FSHR: variants seen among roughly 807,000 people sequenced by gnomAD.
FSHR encodes follicle stimulating hormone receptor, also known as follicle-stimulating hormone receptor.
In FSHR, 46 loss-of-function variants were observed where a neutral mutation model predicts 52.1. The observed-to-expected ratio is 0.88, with a 90% CI of 0.70 to 1.13. The LOEUF (loss-of-function observed/expected upper bound fraction) is 1.13. Among genes scored for constraint, FSHR ranks in the 50% most tolerant of loss-of-function variants. The pLI, the probability that FSHR is intolerant of heterozygous loss-of-function variation, is 0.00. For missense variants in FSHR, 964 were observed against 834.6 expected (o/e 1.16, Z -1.91); for synonymous variants, 399 against 309.6 (o/e 1.29, Z -3.03).
intron 1 of FSHR, among the ~76,000 whole-genome samples, chr2:49,127,766 C>A (rs1211315045): frequency 1.8e-4 from 6 of 33,094 alleles, no homozygotes; most frequent in Admixed American, 4.3e-4. Context: ...TCTTCTTCTT[C>A]TTCTTCTTCT....
At chr2:48,964,053 G>A (rs1354514786) in intron 9 of FSHR, 87 bp from the exon 10 acceptor site, 2 of 1,392,660 alleles carry the variant, frequency 1.4e-6, no homozygotes, top group East Asian at 4.6e-5. Flanking sequence ...TAGAAATGAT[G>A]AGTTTCTTCC....
chr2:49,127,794 T>C (rs187782372), intron 1 of FSHR, among the ~76,000 whole-genome samples: 12 of 55,772 alleles, frequency 2.2e-4, no homozygotes, highest in African/African-American at 9.1e-4. Flanking sequence ...CTTCTTCTTC[T>C]TCTTCTTCTT....
rs544100894 is a variant in FSHR, at chr2:48,988,742, A to T, written c.524+235T>A. Among the ~76,000 whole-genome samples the T allele has an allele frequency of 2.0e-5, 3 of 152,342 alleles. No homozygotes were observed. The South Asian group carries it at 6.2e-4, about 32-fold the overall frequency. On this transcript the variant is annotated intron_variant, in intron 6 of 9. Coordinates refer to ENST00000406846, the MANE Select transcript of FSHR (RefSeq NM_000145.4). ...AGATGTTGTATCACAGGAGATCATCATTCAAACAGCAATTTTAAATACTTG... is the reference window on the plus strand; with the variant it reads ...AGATGTTGTATCACAGGAGATCATCTTTCAAACAGCAATTTTAAATACTTG...
chr2:49,006,534 C>T (rs1008506012), intron 4 of FSHR, among the ~76,000 whole-genome samples: 17 of 152,042 alleles, frequency 1.1e-4, no homozygotes, highest in African/African-American at 3.9e-4. Context: ...TTACAGTACT[C>T]ACTTCTTTCT....
chr2:49,115,142 G>A (rs13017992), intron 1 of FSHR, among the ~76,000 whole-genome samples: 31,783 of 148,504 alleles, frequency 0.21, 4,138 homozygotes, highest in East Asian at 0.46. Context: ...AGGGGAGAAA[G>A]AAGGACTTGG....
At chr2:49,094,237 C>T (rs1422797658) in intron 1 of FSHR, among the ~76,000 whole-genome samples, 1 of 152,076 alleles carries the variant, frequency 6.6e-6, no homozygotes, top group Non-Finnish European at 1.5e-5. Context: ...GAAACCTTGC[C>T]ACCACCATTA....
intron 6 of FSHR, 140 bp from the exon 7 acceptor site, chr2:48,983,306 C>A: frequency 1.4e-6 from 1 of 737,700 alleles, no homozygotes; most frequent in East Asian, 2.7e-5. Flanking sequence ...CTTGGGGACA[C>A]GGGTGGGAGG....
intron 1 of FSHR, among the ~76,000 whole-genome samples, chr2:49,100,082 T>C (rs1572744045): frequency 6.6e-6 from 1 of 152,160 alleles, no homozygotes; most frequent in East Asian, 1.9e-4. Flanking sequence ...TTTACACGTA[T>C]TAACTCATGT....
At chr2:48,983,199 T>C in intron 6 of FSHR, 33 bp from the exon 7 acceptor site, 11 of 1,585,890 alleles carry the variant, frequency 6.9e-6, no homozygotes, top group South Asian at 1.1e-5. Flanking sequence ...AAACCAATAA[T>C]GTCAGATGCA....
At chr2:49,021,638 C>T (rs1333586866) in intron 2 of FSHR, among the ~76,000 whole-genome samples, 7 of 151,716 alleles carry the variant, frequency 4.6e-5, no homozygotes, top group African/African-American at 1.5e-4. Flanking sequence ...CATCTGTGAC[C>T]AGGGGGCTGG....
At chr2:48,998,608 A>T (rs1029409191) in intron 4 of FSHR, among the ~76,000 whole-genome samples, 1 of 152,060 alleles carries the variant, frequency 6.6e-6, no homozygotes, top group Non-Finnish European at 1.5e-5. Context: ...ATTTTACAAC[A>T]GTATTTGCAT....
At chr2:48,980,754 A>T (rs1184443629) in intron 8 of FSHR, among the ~76,000 whole-genome samples, 3 of 152,192 alleles carry the variant, frequency 2.0e-5, no homozygotes, top group African/African-American at 7.2e-5. Context: ...TTTCTGGTCC[A>T]GACTCTGCCC....
intron 2 of FSHR, among the ~76,000 whole-genome samples, chr2:49,050,913 C>A (rs570891104): frequency 6.6e-6 from 1 of 152,240 alleles, no homozygotes; most frequent in South Asian, 2.1e-4. Flanking sequence ...CCCTGGGAAC[C>A]AGGCAACTAA....
chr2:49,129,985 T>A (rs1418881269), intron 1 of FSHR, among the ~76,000 whole-genome samples: 1 of 152,196 alleles, frequency 6.6e-6, no homozygotes. Context: ...TTTATTTTGT[T>A]TTGTTTTAAA....
intron 1 of FSHR, among the ~76,000 whole-genome samples, chr2:49,101,351 T>C (rs1392927647): frequency 1.3e-5 from 2 of 151,294 alleles, no homozygotes; most frequent in East Asian, 3.9e-4. Context: ...TAGGGTGGAG[T>C]CCCTCCAGAA....
chr2:49,060,307 C>G (rs910522539), intron 2 of FSHR, among the ~76,000 whole-genome samples: 2 of 152,048 alleles, frequency 1.3e-5, no homozygotes, highest in African/African-American at 4.8e-5. Context: ...GCAAATACAA[C>G]TACCATATGA....
chr2:49,057,934 C>G (rs999908923), intron 2 of FSHR, among the ~76,000 whole-genome samples: 2 of 151,992 alleles, frequency 1.3e-5, no homozygotes, highest in African/African-American at 2.4e-5. Context: ...ATGACCATGT[C>G]AATATAGAAA....
intron 2 of FSHR, among the ~76,000 whole-genome samples, chr2:49,038,499 C>T (rs1668361583): frequency 6.6e-6 from 1 of 151,512 alleles, no homozygotes; most frequent in Admixed American, 6.6e-5. Context: ...GTGGGGAGCA[C>T]CTGTAGTCCC....
chr2:49,100,980 C>T (rs1671005685), intron 1 of FSHR, among the ~76,000 whole-genome samples: 1 of 151,988 alleles, frequency 6.6e-6, no homozygotes, highest in Non-Finnish European at 1.5e-5. Context: ...TTTTAAAAGC[C>T]TAGTGATAAA....
Sources: allele counts gnomAD v4.1 joint callset (sites outside exome capture counted in the v4.1 genomes callset), GRCh38; gene constraint gnomAD v4.1.1; transcripts MANE v1.5; gene names NCBI Gene and HGNC (gene_info 2026-07-23, HGNC 2026-07-21).